UBE2G2: variants seen among roughly 807,000 people sequenced by gnomAD.
UBE2G2 encodes the protein ubiquitin-conjugating enzyme E2 G2.
A neutral mutation model predicts 23.0 loss-of-function variants in UBE2G2; 10 were observed. The observed-to-expected ratio is 0.43, with a 90% CI of 0.27 to 0.74. The LOEUF (loss-of-function observed/expected upper bound fraction) is 0.74, where lower values mean the gene tolerates loss of function less well. Among genes scored for constraint, UBE2G2 ranks in the 30% least tolerant of loss-of-function variants. UBE2G2 has a pLI of 0.19. For missense variants in UBE2G2, 150 were observed against 218.3 expected (o/e 0.69, Z 1.97); for synonymous variants, 86 against 81.3 (o/e 1.06, Z -0.31).
intron 3 of UBE2G2, among the ~76,000 whole-genome samples, chr21:44,779,982 G>C (rs1411462023): frequency 1.3e-5 from 2 of 150,932 alleles, no homozygotes; most frequent in African/African-American, 4.9e-5. Context: ...TCTGAGTCCA[G>C]AATAAGAAAA....
chr21:44,793,703 T>C (rs1555963263), intron 1 of UBE2G2, among the ~76,000 whole-genome samples: 1 of 152,194 alleles, frequency 6.6e-6, no homozygotes, highest in Non-Finnish European at 1.5e-5. Flanking sequence ...TCAGAGGCCA[T>C]TCCTTGCCAC....
Position 44,777,290 on chromosome 21 carries a change from A to C in UBE2G2, c.244+9T>G, listed in dbSNP as rs371886757. The C allele has an allele frequency of 9.7e-5, 156 of 1,612,696 alleles. 1 individual carries two copies. The African/African-American group carries it at 1.8e-3, about 19-fold the overall frequency. On this transcript the variant is annotated intron_variant, in intron 4 of 5. Coordinates refer to ENST00000345496, the MANE Select transcript of UBE2G2 (RefSeq NM_003343.6). ...TGGTACCACAAAAACTACTTCCAAA[A>C]GCACTTACTGTTGGGATGAAACATC...
intron 3 of UBE2G2, among the ~76,000 whole-genome samples, chr21:44,778,281 T>G (rs924450897): frequency 3.9e-5 from 6 of 152,220 alleles, no homozygotes; most frequent in African/African-American, 1.4e-4. Context: ...GCATGCTCGG[T>G]GAAAGGCTAG....
Position 44,788,084 on chromosome 21 carries a change from TCA to T in UBE2G2, c.53_54del (p.Leu18GlnfsTer13). On this transcript the variant is annotated frameshift_variant, in exon 2 of 6. Transcript: ENST00000345496. LOFTEE classifies it high-confidence loss of function. Reference sequence around the variant, plus strand: ...CCTGCTACAATTCCTTCCGGAGGATTCAGTGTTAATTCTATAAAATTAATAAG... The same window carrying T: ...CCTGCTACAATTCCTTCCGGAGGATTGTGTTAATTCTATAAAATTAATAAG... ...RLMAEYKQLT[L>X]NPPEGIVAGP... is the part of the protein sequence containing the mutation. The T allele has an allele frequency of 6.2e-7, 1 of 1,609,720 alleles. No individual in the cohort carries two copies. Among genetic ancestry groups the T allele is most frequent in the East Asian group, 2.2e-5 (1 of 44,842 alleles).
chr21:44,782,320 G>A lies in UBE2G2; in HGVS notation c.126-4903C>T, dbSNP rs149567353. 1.5e-3 allele frequency among the ~76,000 whole-genome samples: 223 copies of A among 152,310 alleles called. 1 individual carries two copies. Among genetic ancestry groups the A allele is most frequent in the African/African-American group, 5.1e-3 (214 of 41,570 alleles). ...ATTTTAAAACACCTAAATAAATGGA[G>A]AGACAGTCCATGTTCATGGATTAGA... On this transcript the variant is annotated intron_variant, in intron 3 of 5. Transcript: ENST00000345496.
At position 44,773,538 on chromosome 21, in the gene UBE2G2, G is replaced by T; in HGVS notation, c.385+9C>A. On this transcript the variant is annotated intron_variant, in intron 5 of 5. Coordinates refer to ENST00000345496, the MANE Select transcript of UBE2G2 (RefSeq NM_003343.6). ...CACGGCAGCTCCTGCCAGGAGGCTC[G>T]GGCCTTACCTGCCAGCATGCTCACC... 1 of 1,605,740 alleles carries T rather than the reference G, an allele frequency of 6.2e-7. No homozygotes were observed.
chr21:44,786,911 G>A (rs1385014542), intron 3 of UBE2G2, among the ~76,000 whole-genome samples: 1 of 152,142 alleles, frequency 6.6e-6, no homozygotes, highest in African/African-American at 2.4e-5. Context: ...GGCCAACATG[G>A]GGAAACCCTG....
chr21:44,795,277 A>AAAT (rs2083077748), intron 1 of UBE2G2, among the ~76,000 whole-genome samples: 1 of 152,086 alleles, frequency 6.6e-6, no homozygotes, highest in Non-Finnish European at 1.5e-5. Context: ...AAAATAAAAA[A>AAAT]AAATAAATAA....
Position 44,771,696 on chromosome 21 carries a change from G to A in UBE2G2, c.386-207C>T, listed in dbSNP as rs1051689957. On this transcript the variant is annotated intron_variant, in intron 5 of 5. Coordinates refer to ENST00000345496, the MANE Select transcript of UBE2G2 (RefSeq NM_003343.6). The surrounding 1 kb of genome is among the most constrained non-coding windows in gnomAD (Gnocchi z 4.6). ...CGAAAGCCACTCTCATGACTCCTGC[G>A]TTCTGAGTGTCTGAAGACACCAGGA... is the stretch of plus-strand genomic sequence containing the variant. 6.6e-6 allele frequency among the ~76,000 whole-genome samples: 1 copy of A among 152,120 alleles called. No homozygotes were observed. Among genetic ancestry groups the A allele is most frequent in the Non-Finnish European group, 1.5e-5 (1 of 68,024 alleles).
intron 1 of UBE2G2, among the ~76,000 whole-genome samples, chr21:44,795,722 T>C (rs2083083099): frequency 6.6e-6 from 1 of 151,122 alleles, no homozygotes; most frequent in Admixed American, 6.6e-5. Flanking sequence ...ACGGGAACAC[T>C]TAATACACTG....
At chr21:44,791,199 T>C (rs1286962762) in intron 1 of UBE2G2, among the ~76,000 whole-genome samples, 3 of 152,022 alleles carry the variant, frequency 2.0e-5, no homozygotes, top group Non-Finnish European at 2.9e-5. Flanking sequence ...AGCATGACGG[T>C]GCAATAAAAA....
Position 44,772,706 on chromosome 21 carries a change from AG to A in UBE2G2, c.385+840del, listed in dbSNP as rs1215737971. On this transcript the variant is annotated intron_variant, in intron 5 of 5. Coordinates refer to ENST00000345496, the MANE Select transcript of UBE2G2 (RefSeq NM_003343.6). The surrounding 1 kb of genome is among the most constrained non-coding windows in gnomAD (Gnocchi z 5.4). ...CCAGAGCAGCACCTCTGGTAGACAA[AG>A]AACCAGGAGTCCCAGAGCCTGTACC... Among the ~76,000 whole-genome samples the A allele has an allele frequency of 1.3e-5, 2 of 152,100 alleles. No individual in the cohort carries two copies. The highest frequency in any genetic ancestry group is 2.9e-5 in the Non-Finnish European group (2 of 67,996).
intron 3 of UBE2G2, among the ~76,000 whole-genome samples, chr21:44,787,280 G>A (rs1189760214): frequency 6.6e-6 from 1 of 152,074 alleles, no homozygotes; most frequent in East Asian, 1.9e-4. Flanking sequence ...CTAAAATCAG[G>A]GGTCCATGTG....
At chr21:44,785,369 T>C (rs2082988100) in intron 3 of UBE2G2, among the ~76,000 whole-genome samples, 1 of 152,218 alleles carries the variant, frequency 6.6e-6, no homozygotes, top group Non-Finnish European at 1.5e-5. Flanking sequence ...CATTCACTAA[T>C]CTGTTCTATT....
At chr21:44,797,714 CAAAAAAAAAAAA>C (rs60369865) in intron 1 of UBE2G2, among the ~76,000 whole-genome samples, 12 of 39,296 alleles carry the variant, frequency 3.1e-4, no homozygotes, top group East Asian at 1.1e-3. Context: ...AACTCCGTCT[CAAAAAAAAAAAA>C]AAAAAAAAAA....
At chr21:44,773,466 A>C in intron 5 of UBE2G2, 81 bp downstream of exon 5, 10 of 1,493,992 alleles carry the variant, frequency 6.7e-6, no homozygotes, top group Non-Finnish European at 8.9e-6. Flanking sequence ...AGGACATTCT[A>C]AAGACAGGAT....
intron 3 of UBE2G2, among the ~76,000 whole-genome samples, chr21:44,780,455 G>C (rs1204266687): frequency 6.6e-6 from 1 of 152,204 alleles, no homozygotes; most frequent in African/African-American, 2.4e-5. Context: ...CAACAACAAG[G>C]AGGACACAAA....
chr21:44,776,536 C>T (rs1169229628), intron 4 of UBE2G2, among the ~76,000 whole-genome samples: 1 of 152,204 alleles, frequency 6.6e-6, no homozygotes, highest in Non-Finnish European at 1.5e-5. Context: ...ATCTACATCA[C>T]ATTCTAACAT....
rs561082661 is a variant in UBE2G2 at position 44,794,627 on chromosome 21, C to G, written c.44-6532G>C. On this transcript the variant is annotated intron_variant, in intron 1 of 5. Transcript: ENST00000345496. ...TCGGCTCACTGCAAGCTCCACCTCC[C>G]AAGTTCACGCCATTCTCCTGCCTCA... 3.4e-3 allele frequency among the ~76,000 whole-genome samples: 514 copies of G among 151,870 alleles called. 2 individuals are homozygous for G. Among genetic ancestry groups the G allele is most frequent in the African/African-American group, 0.012 (495 of 41,396 alleles).
Sources: allele counts gnomAD v4.1 joint callset (sites outside exome capture counted in the v4.1 genomes callset), GRCh38; gene constraint gnomAD v4.1.1; non-coding constraint Gnocchi (gnomAD v3.1); transcripts MANE v1.5; gene names NCBI Gene and HGNC (gene_info 2026-07-23, HGNC 2026-07-21).